The following ACOX2 variants were observed in gnomAD, a reference collection of about 807,000 sequenced individuals.
ACOX2 encodes peroxisomal acyl-coenzyme A oxidase 2.
ACOX2 carries 59 observed loss-of-function variants against 77.5 expected under a neutral mutation model. The ratio of observed to expected loss-of-function variants is 0.76; its 90% CI spans 0.62 to 0.95. ACOX2 has a LOEUF of 0.95. Among genes scored for constraint, ACOX2 ranks in the 40% least tolerant of loss-of-function variants. The probability of loss-of-function intolerance (pLI) is 0.00; values close to 1 mark genes in which losing one functional copy is unlikely to be tolerated. For synonymous variants in ACOX2, 317 were observed against 340.1 expected (o/e 0.93, Z 0.75); for missense variants, 837 against 880.4 (o/e 0.95, Z 0.62).
At position 58,523,364 on chromosome 3, in the gene ACOX2, A is replaced by G. The variant is rs369139780; in HGVS notation, c.1527-763T>C. Among the ~76,000 whole-genome samples the G allele has an allele frequency of 6.6e-6, 1 of 152,150 alleles. No individual in the cohort carries two copies. The highest frequency in any genetic ancestry group is 1.5e-5 in the Non-Finnish European group (1 of 68,026). ...ATCTCCCAATTGAAATGTTAGCTCT[A>G]TGAGTTTGGGGTGTTTATCAGGCCT... On this transcript the variant is annotated intron_variant, in intron 11 of 14. Coordinates refer to ENST00000302819, the MANE Select transcript of ACOX2 (RefSeq NM_003500.4). This position sits in a 1 kb window ranked among gnomAD's most constrained non-coding sequence, Gnocchi z 5.3.
rs945530299 is a variant in ACOX2, at chr3:58,526,458, G to A, written c.1346+8C>T. On this transcript the variant is annotated splice_region_variant and intron_variant, in intron 10 of 14. Coordinates refer to ENST00000302819, the MANE Select transcript of ACOX2 (RefSeq NM_003500.4). This position sits in a 1 kb window ranked among gnomAD's most constrained non-coding sequence, Gnocchi z 4.3. ...TTGGGCAAAGGCCTGGGTCAGCCTG[G>A]ACCTTACCTGGCCACCTGCAGGTAG... 2 of 1,608,652 alleles carry A rather than the reference G, an allele frequency of 1.2e-6. No individual in the cohort carries two copies. Among genetic ancestry groups the A allele is most frequent in the African/African-American group, 2.7e-5 (2 of 74,850 alleles).
At chr3:58,516,063 C>T (rs1306957825) in intron 13 of ACOX2, among the ~76,000 whole-genome samples, 1 of 151,710 alleles carries the variant, frequency 6.6e-6, no homozygotes, top group Non-Finnish European at 1.5e-5. Context: ...TTAAAGCAAT[C>T]GTTTAGATTA....
Position 58,505,937 on chromosome 3 carries a change from T to A in ACOX2, c.1984-651A>T, listed in dbSNP as rs1001441535. Among the ~76,000 whole-genome samples, 7 of 152,024 alleles carry A rather than the reference T, an allele frequency of 4.6e-5. No homozygotes were observed. On this transcript the variant is annotated intron_variant, in intron 14 of 14. Coordinates refer to ENST00000302819, the MANE Select transcript of ACOX2 (RefSeq NM_003500.4). The surrounding 1 kb of genome is among the most constrained non-coding windows in gnomAD (Gnocchi z 4.4). ...TCCCGAGTACCTTGGATTACAGGGG[T>A]GCACCACCACACCTGGCTAATTTTT...
chr3:58,517,502 C>G, intron 12 of ACOX2, 79 bp from the exon 13 acceptor site: 1 of 1,386,734 alleles, frequency 7.2e-7, no homozygotes, highest in African/African-American at 1.4e-5. Context: ...GGCAAGATGG[C>G]TGGAATAAAC....
chr3:58,517,610 TG>T (rs999707009), intron 12 of ACOX2, among the ~76,000 whole-genome samples, 187 bp from the exon 13 acceptor site: 4 of 103,226 alleles, frequency 3.9e-5, no homozygotes, highest in East Asian at 3.9e-4. Flanking sequence ...TATATGTGTG[TG>T]TTGGGGGGGG....
In ACOX2 at chr3:58,509,616, T is replaced by TG. The variant is rs1261744522; in HGVS notation, c.1851-592_1851-591insC. Among the ~76,000 whole-genome samples, 106 of 146,694 alleles carry TG rather than the reference T, an allele frequency of 7.2e-4. 1 individual carries two copies. The highest frequency in any genetic ancestry group is 2.6e-3 in the African/African-American group (103 of 40,054). ...TCAGAAGCAATTTCAATCTGTTTTTTTTTTTTTTTTTGATACAGAGTCTCA... is the reference window on the plus strand; with the variant it reads ...TCAGAAGCAATTTCAATCTGTTTTTTGTTTTTTTTTTTGATACAGAGTCTCA... On this transcript the variant is annotated intron_variant, in intron 13 of 14. Coordinates refer to ENST00000302819, the MANE Select transcript of ACOX2 (RefSeq NM_003500.4).
At position 58,521,311 on chromosome 3, in the gene ACOX2, G is replaced by A. The variant is rs532785327; in HGVS notation, c.1632+1185C>T. 1.3e-5 allele frequency among the ~76,000 whole-genome samples: 2 copies of A among 152,338 alleles called. No homozygotes were observed. Among genetic ancestry groups the A allele is most frequent in the African/African-American group, 4.8e-5 (2 of 41,572 alleles). On this transcript the variant is annotated intron_variant, in intron 12 of 14. Coordinates refer to ENST00000302819, the MANE Select transcript of ACOX2 (RefSeq NM_003500.4). This position sits in a 1 kb window ranked among gnomAD's most constrained non-coding sequence, Gnocchi z 4.8. ...CCACGAGGGCCTCTGCAGCCCTTCA[G>A]GGCTCTCCTGTTCCAAGGCTGCCAT...
At position 58,533,959 on chromosome 3, in the gene ACOX2, C is replaced by T. The variant is rs750242485; in HGVS notation, c.475+35G>A. On this transcript the variant is annotated intron_variant, in intron 4 of 14. Coordinates refer to ENST00000302819, the MANE Select transcript of ACOX2 (RefSeq NM_003500.4). This position sits in a 1 kb window ranked among gnomAD's most constrained non-coding sequence, Gnocchi z 5.6. ...GGGCCCTCTGGAGTTTTGCAGTGCA[C>T]AACCTAAACACCACACGCAGCAGTC... 6.8e-6 allele frequency: 11 copies of T among 1,611,802 alleles called. No homozygotes were observed. In the African/African-American group the frequency reaches 1.3e-4, roughly 20 times the overall value.
chr3:58,533,354 GGTCTGTTGGA>G lies in ACOX2; in HGVS notation c.583+81_583+90del. The stretch of plus-strand genomic sequence containing the variant: ...AGCCTAGAACAGAAAATCAATCTGA[GGTCTGTTGGA>G]CCTCAAAGCCAGTGCTACTCTGCCC... On this transcript the variant is annotated intron_variant, in intron 5 of 14. Transcript: ENST00000302819. This position sits in a 1 kb window ranked among gnomAD's most constrained non-coding sequence, Gnocchi z 5.6. 8.6e-7 allele frequency: 1 copy of G among 1,166,434 alleles called. No individual in the cohort carries two copies. Among genetic ancestry groups the G allele is most frequent in the Non-Finnish European group, 1.3e-6 (1 of 796,932 alleles). The allele number at this position is 1,166,434 out of a possible 1,614,324, so 72.3% of individuals were successfully genotyped here.
chr3:58,515,247 C>T lies in ACOX2; in HGVS notation c.1850+1959G>A, dbSNP rs1055819636. ...TGTTGGCCAGGCTGGCCTCGAACTC[C>T]TGACCTCAGGTGATCCACCCACCTT... On this transcript the variant is annotated intron_variant, in intron 13 of 14. Transcript: ENST00000302819. This position sits in a 1 kb window ranked among gnomAD's most constrained non-coding sequence, Gnocchi z 4.0. Among the ~76,000 whole-genome samples, 13 of 152,214 alleles carry T rather than the reference C, an allele frequency of 8.5e-5. No individual in the cohort carries two copies. Among genetic ancestry groups the T allele is most frequent in the African/African-American group, 3.1e-4 (13 of 41,444 alleles).
chr3:58,532,379 CTTCT>C (rs779855332), intron 5 of ACOX2, among the ~76,000 whole-genome samples: 2 of 144,400 alleles, frequency 1.4e-5, no homozygotes, highest in Non-Finnish European at 3.1e-5. Context: ...TTTTCTTTTT[CTTCT>C]TTCTTTCTTT....
At chr3:58,517,812 C>T (rs970942116) in intron 12 of ACOX2, among the ~76,000 whole-genome samples, 17 of 152,048 alleles carry the variant, frequency 1.1e-4, no homozygotes, top group South Asian at 2.1e-4. Flanking sequence ...CGGTGGCTCA[C>T]GCCTGTAATC....
rs1390078013 is a variant in ACOX2 at position 58,519,870 on chromosome 3, TG to T, written c.1633-2448del. Among the ~76,000 whole-genome samples, 1 of 152,252 alleles carries T rather than the reference TG, an allele frequency of 6.6e-6. No individual in the cohort carries two copies. ...TTTGTTGCTCAGACTGGGTCCAGCT[TG>T]GCAGAACTGCGGACCCGCACTCCTT... On this transcript the variant is annotated intron_variant, in intron 12 of 14. Coordinates refer to ENST00000302819, the MANE Select transcript of ACOX2 (RefSeq NM_003500.4). This position sits in a 1 kb window ranked among gnomAD's most constrained non-coding sequence, Gnocchi z 5.0.
rs1160523172 is a variant in ACOX2, at chr3:58,525,565, C to T, written c.1346+901G>A. On this transcript the variant is annotated intron_variant, in intron 10 of 14. Transcript: ENST00000302819. This position sits in a 1 kb window ranked among gnomAD's most constrained non-coding sequence, Gnocchi z 5.0. Reference sequence around the variant, plus strand: ...GCAAGGTAGGGGTAGTCCCTGCCCTCAGGGAGCTCCTAATCTAGTTGGAGA... The same window carrying T: ...GCAAGGTAGGGGTAGTCCCTGCCCTTAGGGAGCTCCTAATCTAGTTGGAGA... Among the ~76,000 whole-genome samples the T allele has an allele frequency of 6.6e-6, 1 of 152,184 alleles. No homozygotes were observed. Among genetic ancestry groups the T allele is most frequent in the Non-Finnish European group, 1.5e-5 (1 of 68,046 alleles).
At position 58,526,359 on chromosome 3, in the gene ACOX2, C is replaced by G; in HGVS notation, c.1346+107G>C. ...ATTGGACAGCTCCCAAATAGCACTTCGCAAAGCCTGCTCTTTTTATGGGCC... is the reference window on the plus strand; with the variant it reads ...ATTGGACAGCTCCCAAATAGCACTTGGCAAAGCCTGCTCTTTTTATGGGCC... On this transcript the variant is annotated intron_variant, in intron 10 of 14. Transcript: ENST00000302819. The surrounding 1 kb of genome is among the most constrained non-coding windows in gnomAD (Gnocchi z 4.3). 1 of 1,322,302 alleles carries G rather than the reference C, an allele frequency of 7.6e-7. No individual in the cohort carries two copies. Among genetic ancestry groups the G allele is most frequent in the Non-Finnish European group, 1.0e-6 (1 of 980,746 alleles). 81.9% of individuals were successfully genotyped at this position (1,322,302 alleles called of 1,614,324 possible). A position where few individuals can be genotyped will look rare whatever the true frequency, so the allele number is the denominator to read the frequency against.
chr3:58,526,794 T>A lies in ACOX2; in HGVS notation c.1156-138A>T. 1 of 924,342 alleles carries A rather than the reference T, an allele frequency of 1.1e-6. No individual in the cohort carries two copies. Among genetic ancestry groups the A allele is most frequent in the Non-Finnish European group, 1.6e-6 (1 of 628,262 alleles). The allele number at this position is 924,342 out of a possible 1,614,324, so 57.3% of individuals were successfully genotyped here. On this transcript the variant is annotated intron_variant, in intron 9 of 14. Coordinates refer to ENST00000302819, the MANE Select transcript of ACOX2 (RefSeq NM_003500.4). The surrounding 1 kb of genome is among the most constrained non-coding windows in gnomAD (Gnocchi z 4.3). The stretch of plus-strand genomic sequence containing the variant: ...GAAGTGTTTCCTCTGCTCACAACTT[T>A]ATGAATGAGAAGGCGGGTACTCAGC...
At chr3:58,532,985 TG>T (rs2063452303) in intron 5 of ACOX2, among the ~76,000 whole-genome samples, 1 of 152,076 alleles carries the variant, frequency 6.6e-6, no homozygotes, top group Admixed American at 6.5e-5. Context: ...GGGCTGGTGA[TG>T]GGCGTGAGCC....
chr3:58,510,115 A>G (rs1293570566), intron 13 of ACOX2, among the ~76,000 whole-genome samples: 2 of 151,932 alleles, frequency 1.3e-5, no homozygotes, highest in African/African-American at 4.8e-5. Flanking sequence ...GCCTCCCAAT[A>G]TAGTTATAAT....
intron 13 of ACOX2, among the ~76,000 whole-genome samples, chr3:58,510,747 G>T (rs997775114): frequency 6.9e-5 from 7 of 101,694 alleles, no homozygotes; most frequent in Admixed American, 2.5e-4. Context: ...CACACTCAAC[G>T]ATTTTTCTTG....
Sources: gnomAD v4.1 joint callset for allele counts (sites outside exome capture counted in the v4.1 genomes callset) on GRCh38, gnomAD v4.1.1 for gene constraint, Gnocchi (gnomAD v3.1) non-coding constraint, MANE v1.5 for transcripts, NCBI Gene and HGNC (gene_info 2026-07-23, HGNC 2026-07-21) for gene names.